Variants in RHPN1 observed in about 807,000 individuals in gnomAD.
The protein encoded by RHPN1 is rhophilin Rho GTPase binding protein 1, also known as rhophilin-1.
In RHPN1, 77 loss-of-function variants were observed where a neutral mutation model predicts 74.7. The observed-to-expected ratio is 1.03, with a 90% CI of 0.86 to 1.25. RHPN1 has a LOEUF of 1.25. Among genes scored for constraint, RHPN1 ranks in the 50% most tolerant of loss-of-function variants. The probability of loss-of-function intolerance (pLI) is 0.00; values close to 1 mark genes in which losing one functional copy is unlikely to be tolerated. For synonymous variants in RHPN1, 444 were observed against 414.5 expected (o/e 1.07, Z -0.87); for missense variants, 987 against 932.2 (o/e 1.06, Z -0.77).
chr8:143,379,272 C>T (rs1250856434), intron 7 of RHPN1, 43 bp from the exon 8 acceptor site: 5 of 1,510,954 alleles, frequency 3.3e-6, no homozygotes, highest in Non-Finnish European at 4.4e-6. Flanking sequence ...CAGAGATGGG[C>T]AGGTACAGGG....
rs1818850098 is a variant in RHPN1 at position 143,383,106 on chromosome 8, C to A, written c.*455C>A. On this transcript the variant is annotated 3_prime_UTR_variant, in exon 15 of 15. Transcript: ENST00000289013. ...ACCATGCAGCAGCCAGACACACCCA[C>A]AGCACCCGCAGACCTCTAGGCCGGG... is the stretch of plus-strand genomic sequence containing the variant. The A allele has an allele frequency of 9.5e-6, 2 of 211,334 alleles. No homozygotes were observed. The highest frequency in any genetic ancestry group is 1.1e-4 in the Admixed American group (2 of 18,622). The allele number at this position is 211,334 out of a possible 1,614,324, so 13.1% of individuals were successfully genotyped here. A position where few individuals can be genotyped will look rare whatever the true frequency, so the allele number is the denominator to read the frequency against.
rs766064586 is a variant in RHPN1, at chr8:143,378,756, C to G, written c.520C>G (p.Gln174Glu). Reference sequence around the variant, plus strand: ...GGAGCTGCTCACAGCCTATTACAACCAGCTGTGCTTCCTGGATGCGCGCTT... The same window carrying G: ...GGAGCTGCTCACAGCCTATTACAACGAGCTGTGCTTCCTGGATGCGCGCTT... ...GLELLTAYYN[Q>E]LCFLDARFLT... Residue 174 changes from glutamine (Q) to glutamate (E), a missense_variant, in exon 6 of 15, where the codon CAG becomes GAG. Physicochemically the swap from Gln to Glu is conservative, Grantham distance 29. Transcript: ENST00000289013. The G allele has an allele frequency of 6.3e-7, 1 of 1,585,436 alleles. No individual in the cohort carries two copies. The highest frequency in any genetic ancestry group is 8.6e-7 in the Non-Finnish European group (1 of 1,166,392).
upstream of RHPN1, among the ~76,000 whole-genome samples, chr8:143,365,897 C>G (rs867957064): frequency 6.6e-6 from 1 of 151,366 alleles, no homozygotes; most frequent in East Asian, 1.9e-4. Flanking sequence ...CTTGGGAGAC[C>G]GAGGTGGGAG....
rs746096284 is a variant in RHPN1 at position 143,382,533 on chromosome 8, G to C, written c.1895G>C (p.Arg632Pro). 2.2e-5 allele frequency: 36 copies of C among 1,610,986 alleles called. No homozygotes were observed. In the East Asian group the frequency reaches 7.4e-4, roughly 33 times the overall value. The change falls in exon 15 of 15, where the codon CGG becomes CCG. Residue 632 changes from arginine to proline, a missense_variant. Coordinates refer to ENST00000289013, the MANE Select transcript of RHPN1 (RefSeq NM_052924.3). ...CCGGCATCCACGTGGGCCAGTCCCC[G>C]GCCCCTCCTCAACTGGAGCCGAAAG... Reference protein sequence around the residue: ...KTPASTWASPRPLLNWSRKAQ... With the variant: ...KTPASTWASPPPLLNWSRKAQ...
chr8:143,378,812 C>T lies in RHPN1; in HGVS notation c.576C>T (p.Phe192=). 6.4e-7 allele frequency: 1 copy of T among 1,565,090 alleles called. No individual in the cohort carries two copies. The highest frequency in any genetic ancestry group is 2.4e-5 in the East Asian group (1 of 41,756). ...FLTPARSLGL[F]FHWYDSLTGV... ...CCCCTGCCAGGAGCCTCGGGCTCTTCTTCCACTGGTAGGGGCTCTGCGGGC... is the reference window on the plus strand; with the variant it reads ...CCCCTGCCAGGAGCCTCGGGCTCTTTTTCCACTGGTAGGGGCTCTGCGGGC... The change falls in exon 6 of 15, where the codon TTC becomes TTT. Residue 192 remains phenylalanine (F), a synonymous_variant. Transcript: ENST00000289013.
chr8:143,375,644 G>C lies in RHPN1; in HGVS notation c.152G>C (p.Arg51Pro), dbSNP rs377496691. The C allele has an allele frequency of 1.2e-6, 2 of 1,608,242 alleles. No homozygotes were observed. The highest frequency in any genetic ancestry group is 1.7e-6 in the Non-Finnish European group (2 of 1,178,022). The change falls in exon 2 of 15, where the codon CGG becomes CCG. Residue 51 changes from arginine (R) to proline (P), a missense_variant. Physicochemically the swap from Arg to Pro is moderately radical, Grantham distance 103. Coordinates refer to ENST00000289013, the MANE Select transcript of RHPN1 (RefSeq NM_052924.3). ...HQQIDKELQM[R>P]TGAENLYRAT... is the part of the protein sequence containing the mutation. ...CAGATTGACAAGGAGCTGCAGATGC[G>C]GACGGGCGCTGAGAACCTCTACAGG...
intron 1 of RHPN1, among the ~76,000 whole-genome samples, chr8:143,371,501 C>T (rs1051037576): frequency 1.3e-5 from 2 of 152,070 alleles, no homozygotes; most frequent in African/African-American, 4.8e-5. Flanking sequence ...GGAGGTCTGG[C>T]CCTGCTCTGA....
At chr8:143,365,308 C>G (rs570192030), upstream of RHPN1, among the ~76,000 whole-genome samples, 1 of 152,304 alleles carries the variant, frequency 6.6e-6, no homozygotes, top group East Asian at 1.9e-4. Context: ...GCCCCAGCAC[C>G]CACTGGGCAA....
At chr8:143,379,242 G>A (rs893821992) in intron 7 of RHPN1, 73 bp from the exon 8 acceptor site, 59 of 1,448,840 alleles carry the variant, frequency 4.1e-5, no homozygotes, top group Admixed American at 7.3e-5. Context: ...CTAGCTGGCC[G>A]CCCTGAGTGC....
rs781158730 is a variant in RHPN1 at position 143,378,892 on chromosome 8, A to C, written c.585-20A>C. On this transcript the variant is annotated intron_variant, in intron 6 of 14. Transcript: ENST00000289013. ...TGCGGGAACCGTGGGAACTCCACCC[A>C]GCCTGACCCAACACTGCAGGTACGA... The C allele has an allele frequency of 1.3e-5, 21 of 1,582,414 alleles. No homozygotes were observed. The highest frequency in any genetic ancestry group is 1.6e-5 in the Non-Finnish European group (19 of 1,165,226).
Position 143,382,613 on chromosome 8 carries a change from G to A in RHPN1, c.1975G>A (p.Ala659Thr), listed in dbSNP as rs1292696355. Residue 659 changes from alanine (A) to threonine (T), a missense_variant, in exon 15 of 15, where the codon GCT (alanine) becomes ACT (threonine). Transcript: ENST00000289013. The stretch of plus-strand genomic sequence containing the variant: ...CCAGCCCTGTGCCCCAGTGAAGCCA[G>A]CTCCGCCCTCATCCTTGAAGCACCC... ...CPQPCAPVKP[A>T]PPSSLKHPGW... is the part of the protein sequence containing the mutation. The A allele has an allele frequency of 3.1e-6, 5 of 1,610,750 alleles. No individual in the cohort carries two copies. In the Admixed American group the frequency reaches 6.7e-5, roughly 21 times the overall value.
chr8:143,375,109 G>T (rs369218888), intron 1 of RHPN1, among the ~76,000 whole-genome samples: 93 of 152,350 alleles, frequency 6.1e-4, no homozygotes, highest in African/African-American at 2.1e-3. Flanking sequence ...TGGAGGCGTG[G>T]GTGAGTTGGA....
rs34876718 is a variant in RHPN1, at chr8:143,375,576, C to A, written c.84C>A (p.Ile28=). The change falls in exon 2 of 15, where the codon ATC becomes ATA. Residue 28 remains isoleucine (I), a synonymous_variant. Transcript: ENST00000289013. ...RLQGCDSLTQ[I]QCGQLQSRRA... ...AGGGCTGTGACTCCCTGACGCAGAT[C>A]CAGTGCGGCCAGCTGCAGAGCCGCA... 144,879 of 1,601,402 alleles carry A rather than the reference C, an allele frequency of 0.09. 7,118 individuals carry two copies. Among genetic ancestry groups the A allele is most frequent in the Non-Finnish European group, 0.097 (114,119 of 1,175,456 alleles).
At chr8:143,366,214 G>C (rs1586793552), upstream of RHPN1, among the ~76,000 whole-genome samples, 1 of 151,896 alleles carries the variant, frequency 6.6e-6, no homozygotes, top group Non-Finnish European at 1.5e-5. Context: ...ATCTGCAAAA[G>C]GTCCCGGCGC....
chr8:143,366,954 A>C (rs1817567246), upstream of RHPN1: 1 of 152,312 alleles, frequency 6.6e-6, no homozygotes, highest in Admixed American at 6.5e-5. Context: ...ACACAAGTGC[A>C]CCCAGTGTGA....
upstream of RHPN1, among the ~76,000 whole-genome samples, chr8:143,366,232 C>T (rs535414793): frequency 1.7e-4 from 26 of 152,174 alleles, no homozygotes; most frequent in Admixed American, 3.9e-4. Context: ...CGCTCACTGC[C>T]GTGCCCCTCC....
At chr8:143,376,802 C>T (rs1245992126) in intron 3 of RHPN1, 149 bp downstream of exon 3, 1 of 919,304 alleles carries the variant, frequency 1.1e-6, no homozygotes. Flanking sequence ...GCATGCATGT[C>T]TGTGCGCGTG....
At chr8:143,379,225 A>G in intron 7 of RHPN1, 90 bp from the exon 8 acceptor site, 1 of 1,413,986 alleles carries the variant, frequency 7.1e-7, no homozygotes, top group Non-Finnish European at 9.3e-7. Context: ...GTGTCCCAGG[A>G]GCATCCCTAG....
chr8:143,381,013 C>G (rs938841138), intron 11 of RHPN1, among the ~76,000 whole-genome samples: 1 of 152,348 alleles, frequency 6.6e-6, no homozygotes, highest in African/African-American at 2.4e-5. Flanking sequence ...GGCCTCCTAC[C>G]CTGAGGGGAA....
Sources: gnomAD v4.1 joint callset for allele counts (sites outside exome capture counted in the v4.1 genomes callset) on GRCh38, gnomAD v4.1.1 for gene constraint, MANE v1.5 for transcripts, NCBI Gene and HGNC (gene_info 2026-07-23, HGNC 2026-07-21) for gene names.